The following NID2 variants were observed in gnomAD, a reference collection of about 807,000 sequenced individuals.
NID2 encodes the protein nidogen-2.
In NID2, 83 loss-of-function variants were observed where a neutral mutation model predicts 145.4. The observed-to-expected ratio is 0.57, with a 90% CI of 0.48 to 0.69. The LOEUF (loss-of-function observed/expected upper bound fraction) is 0.69, where lower values mean the gene tolerates loss of function less well. Among genes scored for constraint, NID2 ranks in the 30% least tolerant of loss-of-function variants. The pLI is 0.00. For synonymous variants in NID2, 739 were observed against 701.3 expected (o/e 1.05, Z -0.85); for missense variants, 1,807 against 1,765.7 (o/e 1.02, Z -0.42).
At chr14:52,010,777 T>C in intron 18 of NID2, 99 bp downstream of exon 18, 1 of 1,209,258 alleles carries the variant, frequency 8.3e-7, no homozygotes, top group South Asian at 1.4e-5. Context: ...ATTTGAGCTT[T>C]CACTCTCTTG....
intron 5 of NID2, among the ~76,000 whole-genome samples, chr14:52,052,236 T>C (rs1468229705): frequency 2.0e-5 from 3 of 152,230 alleles, no homozygotes; most frequent in African/African-American, 7.2e-5. Flanking sequence ...ATCTTCAACT[T>C]CATGGAAATG....
chr14:52,035,939 C>T (rs1480916541), intron 9 of NID2, among the ~76,000 whole-genome samples: 1 of 140,060 alleles, frequency 7.1e-6, no homozygotes, highest in East Asian at 2.2e-4. Context: ...GAACTCCTGA[C>T]CTCAGGTGAT....
At chr14:52,045,106 G>T (rs1892439953) in intron 5 of NID2, among the ~76,000 whole-genome samples, 1 of 152,158 alleles carries the variant, frequency 6.6e-6, no homozygotes, top group Admixed American at 6.5e-5. Flanking sequence ...ATGAGCACTA[G>T]ATTAGGGGTC....
At chr14:52,065,087 C>T (rs542066297) in intron 2 of NID2, among the ~76,000 whole-genome samples, 221 of 141,570 alleles carry the variant, frequency 1.6e-3, no homozygotes, top group African/African-American at 6.0e-3. Flanking sequence ...ACTATTTGTT[C>T]ACATTTTTTT....
chr14:52,020,209 A>G (rs746752699), intron 12 of NID2, 31 bp from the exon 13 acceptor site: 1 of 1,611,860 alleles, frequency 6.2e-7, no homozygotes, highest in Admixed American at 1.7e-5. Context: ...AGAAAGAAGC[A>G]AAGAACACTA....
chr14:52,019,986 T>A, intron 13 of NID2, 73 bp downstream of exon 13: 1 of 1,574,362 alleles, frequency 6.4e-7, no homozygotes, highest in Non-Finnish European at 8.6e-7. Context: ...AAATCAAGAG[T>A]GGGCTGTCAT....
Position 52,011,627 on chromosome 14 carries a change from T to C in NID2, c.3477A>G (p.Thr1159=), listed in dbSNP as rs576355635. 6.2e-7 allele frequency: 1 copy of C among 1,614,238 alleles called. No homozygotes were observed. The highest frequency in any genetic ancestry group is 1.3e-5 in the African/African-American group (1 of 75,066). The change falls in exon 17 of 22, where the codon ACA becomes ACG. Residue 1159 remains threonine, a synonymous_variant. Transcript: ENST00000216286. ...YDCRERMVYW[T]DVAGRTISRA... ...GGCTGATTGTCCGTCCAGCAACATC[T>C]GTCCAGTACACCATCCTCTCCCGGC...
intron 3 of NID2, among the ~76,000 whole-genome samples, chr14:52,057,453 T>A (rs1239401410): frequency 2.0e-5 from 3 of 152,058 alleles, no homozygotes; most frequent in African/African-American, 7.2e-5. Context: ...CCATAATCCC[T>A]GCACTTTGGG....
chr14:52,020,186 G>C lies in NID2; in HGVS notation c.2675-8C>G, dbSNP rs745816296. The C allele has an allele frequency of 3.1e-6, 5 of 1,613,124 alleles. No homozygotes were observed. In the East Asian group the frequency reaches 1.1e-4, roughly 36 times the overall value. ...CTGAGCATTCATCTACATCTGCAGA[G>C]GTCAGAAACAGAAGAAAGAAGCAAA... On this transcript the variant is annotated splice_polypyrimidine_tract_variant and splice_region_variant and intron_variant, in intron 12 of 21. Transcript: ENST00000216286.
chr14:52,035,443 G>C (rs1477680419), intron 9 of NID2, among the ~76,000 whole-genome samples: 1 of 152,186 alleles, frequency 6.6e-6, no homozygotes, highest in Non-Finnish European at 1.5e-5. Context: ...TCTGTGACAT[G>C]ATATGCCTAG....
intron 11 of NID2, 99 bp from the exon 12 acceptor site, chr14:52,027,443 G>T: frequency 9.3e-7 from 1 of 1,069,862 alleles, no homozygotes; most frequent in Non-Finnish European, 1.3e-6. Flanking sequence ...CAACAGACCA[G>T]GGAATGCAGG....
At chr14:52,034,309 A>AATC (rs869290597) in intron 9 of NID2, among the ~76,000 whole-genome samples, 1 of 151,806 alleles carries the variant, frequency 6.6e-6, no homozygotes, top group Non-Finnish European at 1.5e-5. Context: ...TAGCCTGGGA[A>AATC]ATTTCACTAA....
intron 2 of NID2, among the ~76,000 whole-genome samples, chr14:52,060,559 A>C (rs1300087922): frequency 6.6e-6 from 1 of 152,240 alleles, no homozygotes; most frequent in East Asian, 1.9e-4. Flanking sequence ...TTTCATAAGC[A>C]ATATTATTTA....
At chr14:52,005,667 A>G in intron 21 of NID2, 70 bp downstream of exon 21, 1 of 1,403,798 alleles carries the variant, frequency 7.1e-7, no homozygotes, top group Non-Finnish European at 1.0e-6. Flanking sequence ...CAGCAGGGGT[A>G]ATCAAATACC....
intron 11 of NID2, among the ~76,000 whole-genome samples, 195 bp from the exon 12 acceptor site, chr14:52,027,539 GT>G (rs2140373143): frequency 6.6e-6 from 1 of 151,828 alleles, no homozygotes; most frequent in African/African-American, 2.4e-5. Flanking sequence ...TAAAGTTCAA[GT>G]ACTGGTATGA....
chr14:52,065,217 G>A (rs1206109108), intron 2 of NID2, among the ~76,000 whole-genome samples: 3 of 152,146 alleles, frequency 2.0e-5, no homozygotes, highest in South Asian at 2.1e-4. Flanking sequence ...TGGCAAAGAT[G>A]CCATTGCTTT....
intron 7 of NID2, 103 bp from the exon 8 acceptor site, chr14:52,040,954 T>A (rs1892260132): frequency 2.0e-6 from 2 of 986,656 alleles, no homozygotes; most frequent in Admixed American, 1.8e-5. Context: ...TTGGAGATCG[T>A]GCCTAAGGAG....
At chr14:52,057,229 G>C (rs1892878539) in intron 3 of NID2, among the ~76,000 whole-genome samples, 1 of 152,106 alleles carries the variant, frequency 6.6e-6, no homozygotes, top group Non-Finnish European at 1.5e-5. Context: ...TTTTAGTAGA[G>C]ATTAGGTCTC....
intron 3 of NID2, among the ~76,000 whole-genome samples, chr14:52,057,937 TAAC>T (rs1290164094): frequency 2.0e-5 from 3 of 152,248 alleles, no homozygotes; most frequent in Non-Finnish European, 4.4e-5. Flanking sequence ...TTCCTAAGAA[TAAC>T]AACAAGATCC....
Sources: gnomAD v4.1 joint callset for allele counts (sites outside exome capture counted in the v4.1 genomes callset) on GRCh38, gnomAD v4.1.1 for gene constraint, MANE v1.5 for transcripts, NCBI Gene and HGNC (gene_info 2026-07-23, HGNC 2026-07-21) for gene names.